The following ZNF93 variants were observed in gnomAD, a reference collection of about 807,000 sequenced individuals.
ZNF93 encodes the protein zinc finger protein 505.
In ZNF93, 29 loss-of-function variants were observed where a neutral mutation model predicts 45.0. The observed-to-expected ratio is 0.64, with a 90% CI of 0.48 to 0.88. ZNF93 has a LOEUF of 0.88. Among genes scored for constraint, ZNF93 ranks in the 40% least tolerant of loss-of-function variants. The pLI is 0.00. For missense variants in ZNF93, 578 were observed against 724.0 expected (o/e 0.80, Z 2.31); for synonymous variants, 223 against 244.6 (o/e 0.91, Z 0.82).
chr19:19,904,471 T>C (rs2063286519), intron 1 of ZNF93, among the ~76,000 whole-genome samples: 1 of 152,168 alleles, frequency 6.6e-6, no homozygotes, highest in Non-Finnish European at 1.5e-5. Flanking sequence ...CCCCAGTTTT[T>C]AAACAGCAGC....
chr19:19,926,863 T>C (rs1380883462), intron 3 of ZNF93, among the ~76,000 whole-genome samples: 1 of 152,172 alleles, frequency 6.6e-6, no homozygotes, highest in Non-Finnish European at 1.5e-5. Context: ...TTATATTCTT[T>C]CTTAGCTGAT....
chr19:19,933,637 C>T lies in ZNF93; in HGVS notation c.682C>T (p.Pro228Ser). The T allele has an allele frequency of 1.2e-6, 2 of 1,611,358 alleles. No homozygotes were observed. The highest frequency in any genetic ancestry group is 1.7e-6 in the Non-Finnish European group (2 of 1,178,838). Reference protein sequence around the residue: ...THKRIHTGEKPYKCDKCDKAF... With the variant: ...THKRIHTGEKSYKCDKCDKAF... Reference sequence around the variant, plus strand: ...TAAGAGAATTCATACTGGAGAGAAACCATACAAGTGTGATAAATGTGACAA... The same window carrying T: ...TAAGAGAATTCATACTGGAGAGAAATCATACAAGTGTGATAAATGTGACAA... The change falls in exon 4 of 4, where the codon CCA (proline) becomes TCA (serine). Residue 228 changes from proline to serine, a missense_variant. Physicochemically the swap from Pro to Ser is moderately conservative, Grantham distance 74 (BLOSUM62 -1). This residue lies in a region of ZNF93 where 446 missense variants were observed against 547.6 expected (regional missense o/e 0.81). Coordinates refer to ENST00000343769, the MANE Select transcript of ZNF93 (RefSeq NM_031218.4).
At chr19:19,932,159 G>A (rs533237248) in intron 3 of ZNF93, 6 of 187,766 alleles carry the variant, frequency 3.2e-5, no homozygotes, top group African/African-American at 1.4e-4. Flanking sequence ...TGTAGTACGA[G>A]CTACTCAGGA....
chr19:19,921,706 T>A (rs1196085498), intron 3 of ZNF93, among the ~76,000 whole-genome samples: 3 of 152,052 alleles, frequency 2.0e-5, no homozygotes, highest in Admixed American at 6.6e-5. Flanking sequence ...AATGGCCTTC[T>A]TTGTCTCTTT....
At chr19:19,902,097 A>C (rs889844246) in intron 1 of ZNF93, among the ~76,000 whole-genome samples, 1 of 152,100 alleles carries the variant, frequency 6.6e-6, no homozygotes, top group African/African-American at 2.4e-5. Flanking sequence ...TAAAAAAAAA[A>C]TAGACATCTT....
At position 19,930,464 on chromosome 19, in the gene ZNF93, C is replaced by G. The variant is rs1297362971; in HGVS notation, c.227-2718C>G. On this transcript the variant is annotated intron_variant, in intron 3 of 3. Coordinates refer to ENST00000343769, the MANE Select transcript of ZNF93 (RefSeq NM_031218.4). ...GGAGTAGAGTCTTCTCTAAACTCCC[C>G]CAGGGAAAGGGAGACTCCCTTTCCT... is the stretch of plus-strand genomic sequence containing the variant. Among the ~76,000 whole-genome samples the G allele has an allele frequency of 2.0e-5, 3 of 152,090 alleles. 1 individual carries two copies. The highest frequency in any genetic ancestry group is 4.1e-4 in the South Asian group (2 of 4,820).
intron 1 of ZNF93, among the ~76,000 whole-genome samples, chr19:19,901,768 G>C (rs2063272449): frequency 6.6e-6 from 1 of 151,992 alleles, no homozygotes; most frequent in African/African-American, 2.4e-5. Flanking sequence ...ATATGGGAAG[G>C]ACACAAAAAC....
chr19:19,911,444 G>A (rs2063307730), intron 1 of ZNF93, among the ~76,000 whole-genome samples: 1 of 152,172 alleles, frequency 6.6e-6, no homozygotes. Flanking sequence ...TTGGTACCCC[G>A]ATGACAGCTT....
At chr19:19,923,459 C>T (rs1015525932) in intron 3 of ZNF93, among the ~76,000 whole-genome samples, 3 of 152,078 alleles carry the variant, frequency 2.0e-5, no homozygotes, top group African/African-American at 7.2e-5. Flanking sequence ...CTACTGTCTT[C>T]CAAGCTGTCA....
At chr19:19,920,607 T>G (rs1227476280) in intron 3 of ZNF93, among the ~76,000 whole-genome samples, 1 of 152,210 alleles carries the variant, frequency 6.6e-6, no homozygotes, top group Non-Finnish European at 1.5e-5. Flanking sequence ...AAGCTATTAT[T>G]GCCTCAATTT....
At chr19:19,914,152 A>G (rs1412133452) in intron 1 of ZNF93, among the ~76,000 whole-genome samples, 1 of 152,220 alleles carries the variant, frequency 6.6e-6, no homozygotes, top group Non-Finnish European at 1.5e-5. Context: ...AGATGTGGGT[A>G]CTCAAGATTC....
intron 3 of ZNF93, chr19:19,927,272 T>G (rs1335672555): frequency 2.5e-6 from 1 of 398,114 alleles, no homozygotes; most frequent in African/African-American, 2.1e-5. Context: ...GGTGTGCAGC[T>G]GTGGTCCCAG....
intron 1 of ZNF93, among the ~76,000 whole-genome samples, chr19:19,901,903 A>G (rs2063272964): frequency 6.6e-6 from 1 of 152,172 alleles, no homozygotes; most frequent in African/African-American, 2.4e-5. Flanking sequence ...CAGCCTGGCC[A>G]ACATAGTGAA....
Position 19,933,256 on chromosome 19 carries a change from A to G in ZNF93, c.301A>G (p.Arg101Gly), listed in dbSNP as rs1390784282. Residue 101 changes from arginine (R) to glycine (G), a missense_variant, in exon 4 of 4, where the codon AGA becomes GGA. Transcript: ENST00000343769. ...IKDSFQKVIL[R>G]RYEKRGHGNL... ...AGATTCTTTCCAAAAAGTGATACTGAGAAGATATGAAAAACGTGGACATGG... is the reference window on the plus strand; with the variant it reads ...AGATTCTTTCCAAAAAGTGATACTGGGAAGATATGAAAAACGTGGACATGG... 1.2e-6 allele frequency: 2 copies of G among 1,611,406 alleles called. No individual in the cohort carries two copies. The highest frequency in any genetic ancestry group is 3.3e-5 in the Admixed American group (2 of 59,772).
At chr19:19,903,030 C>A (rs928736074) in intron 1 of ZNF93, among the ~76,000 whole-genome samples, 15 of 152,100 alleles carry the variant, frequency 9.9e-5, no homozygotes, top group African/African-American at 3.6e-4. Flanking sequence ...TGAGCCACCG[C>A]GCCCGGCCTT....
chr19:19,933,947 A>T lies in ZNF93; in HGVS notation c.992A>T (p.His331Leu), dbSNP rs774189914. ...AAGTACTCCCGTATCCTTACTACACATAAGAGAATTCATACTGGAGAGAAA... is the reference window on the plus strand; with the variant it reads ...AAGTACTCCCGTATCCTTACTACACTTAAGAGAATTCATACTGGAGAGAAA... ...AFKYSRILTT[H>L]KRIHTGEKPY... The change falls in exon 4 of 4, where the codon CAT becomes CTT. Residue 331 changes from histidine (H) to leucine (L), a missense_variant. By Grantham distance (99) the His-to-Leu change is moderately conservative (BLOSUM62 -3). Coordinates refer to ENST00000343769, the MANE Select transcript of ZNF93 (RefSeq NM_031218.4). 3.1e-6 allele frequency: 5 copies of T among 1,612,704 alleles called. No individual in the cohort carries two copies. Among genetic ancestry groups the T allele is most frequent in the Non-Finnish European group, 4.2e-6 (5 of 1,179,430 alleles).
rs765124286 is a variant in ZNF93, at chr19:19,933,685, C to G, written c.730C>G (p.Leu244Val). The change falls in exon 4 of 4, where the codon CTT (leucine) becomes GTT (valine). Residue 244 changes from leucine (L) to valine (V), a missense_variant. Around this residue, in one of 3 missense-constraint regions of ZNF93, gnomAD observed 446 missense variants for 547.6 expected, o/e 0.81. Coordinates refer to ENST00000343769, the MANE Select transcript of ZNF93 (RefSeq NM_031218.4). ...CDKAFIASST[L>V]SKHEIIHTGK... ...CAAAGCCTTTATTGCATCCTCAACCCTTAGTAAACATGAGATCATTCATAC... is the reference window on the plus strand; with the variant it reads ...CAAAGCCTTTATTGCATCCTCAACCGTTAGTAAACATGAGATCATTCATAC... The G allele has an allele frequency of 2.5e-6, 4 of 1,612,594 alleles. No individual in the cohort carries two copies. The African/African-American group carries it at 4.0e-5, about 16-fold the overall frequency.
At chr19:19,927,172 G>A (rs2063358730) in intron 3 of ZNF93, 1 of 398,388 alleles carries the variant, frequency 2.5e-6, no homozygotes. Context: ...AAGCCAAGAG[G>A]ATCCCTGGAG....
chr19:19,931,775 CTTAA>C (rs1464704297), intron 3 of ZNF93, among the ~76,000 whole-genome samples: 1 of 152,022 alleles, frequency 6.6e-6, no homozygotes, highest in Non-Finnish European at 1.5e-5. Flanking sequence ...GTTTTACTTA[CTTAA>C]TTTTCATTTA....
Sources: allele counts gnomAD v4.1 joint callset (sites outside exome capture counted in the v4.1 genomes callset), GRCh38; gene constraint gnomAD v4.1.1; regional missense constraint gnomAD v4.1.1; transcripts MANE v1.5; gene names NCBI Gene and HGNC (gene_info 2026-07-23, HGNC 2026-07-21).